Variants in DNAH2 observed in about 807,000 individuals in gnomAD.
DNAH2 encodes dynein axonemal heavy chain 2.
A neutral mutation model predicts 523.5 loss-of-function variants in DNAH2; 323 were observed. That is an observed-to-expected ratio of 0.62 (90% confidence interval 0.56 to 0.68). DNAH2 has a LOEUF of 0.68. DNAH2 is among the 30% of genes least tolerant of loss of function. The pLI, the probability that DNAH2 is intolerant of heterozygous loss-of-function variation, is 0.00. For synonymous variants in DNAH2, 2,093 were observed against 2,177.4 expected (o/e 0.96, Z 1.08); for missense variants, 4,907 against 5,701.5 (o/e 0.86, Z 4.49).
rs2077774759 is a variant in DNAH2 at position 7,819,048 on chromosome 17, T to C, written c.10800T>C (p.Thr3600=). 7 of 1,605,806 alleles carry C rather than the reference T, an allele frequency of 4.4e-6. No homozygotes were observed. Among genetic ancestry groups the C allele is most frequent in the Non-Finnish European group, 5.9e-6 (7 of 1,179,008 alleles). The change falls in exon 71 of 86, where the codon ACT becomes ACC. Residue 3600 remains threonine, a synonymous_variant. Coordinates refer to ENST00000572933, the MANE Select transcript of DNAH2 (RefSeq NM_020877.5). The stretch of plus-strand genomic sequence containing the variant: ...CCAGTGAGACCACAGAGATCAACAC[T>C]GACTTGGCGCGGGAGGTAAGCTCCC... ...LETSETTEIN[T]DLAREAYRPC... is the part of the protein sequence containing the mutation.
intron 2 of DNAH2, among the ~76,000 whole-genome samples, chr17:7,721,519 C>A (rs1228869659): frequency 1.3e-5 from 2 of 148,796 alleles, no homozygotes; most frequent in Non-Finnish European, 3.0e-5. Context: ...CAGCAGTTTT[C>A]CCAAGGGAGT....
chr17:7,819,550 T>C, intron 72 of DNAH2, 142 bp downstream of exon 72: 1 of 821,688 alleles, frequency 1.2e-6, no homozygotes, highest in Non-Finnish European at 2.0e-6. Flanking sequence ...AGCTCCTCAC[T>C]CTCATGGCTT....
intron 12 of DNAH2, among the ~76,000 whole-genome samples, chr17:7,746,032 G>A (rs536967415): frequency 1.3e-5 from 2 of 152,072 alleles, no homozygotes; most frequent in Admixed American, 6.6e-5. Flanking sequence ...TGGCATTATC[G>A]GGCAGCTGAT....
rs763615571 is a variant in DNAH2, at chr17:7,757,239, T to C, written c.2051+2T>C. The C allele has an allele frequency of 6.2e-7, 1 of 1,613,976 alleles. No individual in the cohort carries two copies. Among genetic ancestry groups the C allele is most frequent in the African/African-American group, 1.3e-5 (1 of 74,930 alleles). ...ACTCGTTGCTAGAGACTACAATAGG[T>C]AGGGCTTCAGTCCTCACTGCAGCCC... On this transcript the variant is annotated splice_donor_variant, in intron 13 of 85. Coordinates refer to ENST00000572933, the MANE Select transcript of DNAH2 (RefSeq NM_020877.5). LOFTEE classifies it high-confidence loss of function.
intron 28 of DNAH2, among the ~76,000 whole-genome samples, chr17:7,772,165 G>A (rs2076336406): frequency 6.6e-6 from 1 of 152,156 alleles, no homozygotes; most frequent in Admixed American, 6.5e-5. Flanking sequence ...AGGGAGTCAG[G>A]TTTGACAGCG....
intron 12 of DNAH2, 128 bp downstream of exon 12, chr17:7,743,270 T>C (rs1457704233): frequency 9.4e-6 from 10 of 1,063,968 alleles, no homozygotes; most frequent in Non-Finnish European, 1.3e-5. Context: ...TTTGCTATCG[T>C]CATTTTACTT....
chr17:7,736,401 G>A (rs2075143357), intron 7 of DNAH2, among the ~76,000 whole-genome samples: 2 of 152,204 alleles, frequency 1.3e-5, no homozygotes, highest in African/African-American at 2.4e-5. Flanking sequence ...CTATGGGGAC[G>A]AATGAGAGTG....
chr17:7,787,177 A>C, intron 42 of DNAH2, 144 bp downstream of exon 42: 1 of 1,037,900 alleles, frequency 9.6e-7, no homozygotes, highest in South Asian at 1.7e-5. Flanking sequence ...GATTCAGGGA[A>C]ACCTGCAGCT....
chr17:7,789,413 T>C (rs1485094946), intron 44 of DNAH2, among the ~76,000 whole-genome samples: 1 of 152,040 alleles, frequency 6.6e-6, no homozygotes, highest in Non-Finnish European at 1.5e-5. Context: ...TTTGTGTAGA[T>C]GCGCTTCAGC....
Position 7,798,406 on chromosome 17 carries a change from C to T in DNAH2, c.8398+82C>T. 1 of 1,540,678 alleles carries T rather than the reference C, an allele frequency of 6.5e-7. No individual in the cohort carries two copies. The highest frequency in any genetic ancestry group is 1.8e-5 in the Admixed American group (1 of 54,276). ...AGTGACAAGAGAGGAGAGATGGCAG[C>T]CAGATGGGCAGACGTGTCTGGCCCG... On this transcript the variant is annotated intron_variant, in intron 54 of 85. Coordinates refer to ENST00000572933, the MANE Select transcript of DNAH2 (RefSeq NM_020877.5). This position sits in a 1 kb window ranked among gnomAD's most constrained non-coding sequence, Gnocchi z 5.5.
intron 8 of DNAH2, chr17:7,737,853 G>A (rs2075186090): frequency 1.5e-6 from 1 of 652,070 alleles, no homozygotes. Flanking sequence ...AGTTTCAGGA[G>A]TCAAATTAAG....
rs140819153 is a variant in DNAH2 at position 7,818,938 on chromosome 17, G to A, written c.10690G>A (p.Gly3564Ser). The change falls in exon 71 of 86, where the codon GGC becomes AGC. Residue 3564 changes from glycine to serine, a missense_variant. This residue lies in a region of DNAH2 where 1,851 missense variants were observed against 2,139.4 expected (regional missense o/e 0.87). Coordinates refer to ENST00000572933, the MANE Select transcript of DNAH2 (RefSeq NM_020877.5). The stretch of plus-strand genomic sequence containing the variant: ...CCCTAGGCTGCTGAATGAGGCCACC[G>A]GCTCCCTGCTGGATGATGTGCAGCT... Reference protein sequence around the residue: ...EILRLLNEATGSLLDDVQLVN... With the variant: ...EILRLLNEATSSLLDDVQLVN... 6.0e-4 allele frequency: 967 copies of A among 1,612,184 alleles called. 10 individuals carry two copies. In the South Asian group the frequency reaches 8.3e-3, roughly 14 times the overall value.
intron 68 of DNAH2, 86 bp from the exon 69 acceptor site, chr17:7,818,226 G>A: frequency 6.3e-7 from 1 of 1,596,742 alleles, no homozygotes; most frequent in South Asian, 1.1e-5. Flanking sequence ...GACAGGCTGA[G>A]TCGCTGCCCC....
intron 18 of DNAH2, among the ~76,000 whole-genome samples, chr17:7,761,272 T>C (rs781506781): frequency 6.6e-6 from 1 of 152,064 alleles, no homozygotes. Context: ...TTTGTTTGTT[T>C]TATTTTGTTT....
At position 7,819,251 on chromosome 17, in the gene DNAH2, G is replaced by C; in HGVS notation, c.10858G>C (p.Val3620Leu). ...CCAGCGGGCATCAATCCTGTTCTTC[G>C]TGCTCAATGATATGGGCTGCATCGA... ...CAQRASILFFVLNDMGCIDPM... is the reference protein window; with the variant it reads ...CAQRASILFFLLNDMGCIDPM... The change falls in exon 72 of 86, where the codon GTG becomes CTG. Residue 3620 changes from valine (V) to leucine (L), a missense_variant. This residue lies in a region of DNAH2 where 1,851 missense variants were observed against 2,139.4 expected (regional missense o/e 0.87). Coordinates refer to ENST00000572933, the MANE Select transcript of DNAH2 (RefSeq NM_020877.5). 2 of 1,614,094 alleles carry C rather than the reference G, an allele frequency of 1.2e-6. No individual in the cohort carries two copies. The highest frequency in any genetic ancestry group is 1.7e-6 in the Non-Finnish European group (2 of 1,180,044).
chr17:7,801,538 C>T (rs2151293323), intron 56 of DNAH2, 40 bp from the exon 57 acceptor site: 1 of 1,612,092 alleles, frequency 6.2e-7, no homozygotes, highest in Non-Finnish European at 8.5e-7. Flanking sequence ...GAGGCTGTGT[C>T]TGTGCACGGA....
intron 3 of DNAH2, 144 bp from the exon 4 acceptor site, chr17:7,726,978 G>A (rs1049417647): frequency 2.5e-6 from 2 of 786,002 alleles, no homozygotes; most frequent in Non-Finnish European, 3.7e-6. Flanking sequence ...TCCAAAGCTG[G>A]AAAGCTATCT....
chr17:7,809,011 T>C (rs1232597923), intron 63 of DNAH2, among the ~76,000 whole-genome samples: 1 of 152,222 alleles, frequency 6.6e-6, no homozygotes, highest in Admixed American at 6.5e-5. Context: ...TTCCAGTGGG[T>C]AGCTACAGGG....
chr17:7,770,521 T>C (rs2151220596), intron 25 of DNAH2, 36 bp from the exon 26 acceptor site: 1 of 1,613,352 alleles, frequency 6.2e-7, no homozygotes, highest in Non-Finnish European at 8.5e-7. Context: ...AGTGAAGAGA[T>C]ACCTGACTGC....
Sources: allele counts gnomAD v4.1 joint callset (sites outside exome capture counted in the v4.1 genomes callset), GRCh38; gene constraint gnomAD v4.1.1; regional missense constraint gnomAD v4.1.1; non-coding constraint Gnocchi (gnomAD v3.1); transcripts MANE v1.5; gene names NCBI Gene and HGNC (gene_info 2026-07-23, HGNC 2026-07-21).